Variants in KCNN2 observed in about 807,000 individuals in gnomAD.
KCNN2 encodes the protein potassium calcium-activated channel subfamily N member 2.
A neutral mutation model predicts 55.5 loss-of-function variants in KCNN2; 24 were observed. That is an observed-to-expected ratio of 0.43 (90% CI 0.31 to 0.61). The LOEUF (loss-of-function observed/expected upper bound fraction) is 0.61, where lower values mean the gene tolerates loss of function less well. Ranked by LOEUF, KCNN2 falls within the 20% of genes least tolerant of loss-of-function variation. The pLI is 0.08. For missense variants in KCNN2, 754 were observed against 853.6 expected, an observed-to-expected ratio of 0.88 and a Z score of 1.45; for synonymous variants, 431 against 336.1, an observed-to-expected ratio of 1.28 and a Z score of -3.09.
At chr5:114,073,107 A>G (rs1456792327) in intron 1 of KCNN2, among the ~76,000 whole-genome samples, 2 of 152,102 alleles carry the variant, frequency 1.3e-5, no homozygotes, top group African/African-American at 4.8e-5. Context: ...GATTGTTGTA[A>G]TAACTTCTCT....
intron 1 of KCNN2, among the ~76,000 whole-genome samples, chr5:114,177,166 C>CT (rs1173125767): frequency 1.4e-5 from 2 of 141,992 alleles, no homozygotes; most frequent in Non-Finnish European, 3.0e-5. Context: ...GAAACGGAGT[C>CT]TCGCTCTGTC....
At chr5:114,331,202 G>A (rs1264363774) in intron 2 of KCNN2, among the ~76,000 whole-genome samples, 1 of 152,110 alleles carries the variant, frequency 6.6e-6, no homozygotes, top group Non-Finnish European at 1.5e-5. Context: ...AGGGTTGGGA[G>A]GAAGAAAATG....
At chr5:114,187,534 C>G (rs182841753) in intron 1 of KCNN2, among the ~76,000 whole-genome samples, 6 of 119,946 alleles carry the variant, frequency 5.0e-5, no homozygotes, top group African/African-American at 1.9e-4. Flanking sequence ...GAGCGGAAGT[C>G]TTACTCTGTC....
At chr5:114,141,327 T>G (rs1174770423) in intron 1 of KCNN2, among the ~76,000 whole-genome samples, 1 of 152,050 alleles carries the variant, frequency 6.6e-6, no homozygotes, top group Non-Finnish European at 1.5e-5. Flanking sequence ...CCCCTTCCTG[T>G]GTCCATGTGT....
At chr5:114,316,144 G>C (rs1360342068) in intron 2 of KCNN2, among the ~76,000 whole-genome samples, 1 of 152,108 alleles carries the variant, frequency 6.6e-6, no homozygotes, top group Non-Finnish European at 1.5e-5. Context: ...CCATCTATCA[G>C]GAGCCCCTAA....
At position 114,480,885 on chromosome 5, in the gene KCNN2, C is replaced by G. The variant is rs186159935; in HGVS notation, c.1891-6165C>G. On this transcript the variant is annotated intron_variant, in intron 5 of 7. Coordinates refer to ENST00000673685, the MANE Select transcript of KCNN2 (RefSeq NM_021614.4). ...CATACCTCAAAATAATAAGAGCCGT[C>G]TATGACAAATCCACAGCCAGTATCA... Among the ~76,000 whole-genome samples the G allele has an allele frequency of 3.6e-3, 544 of 152,252 alleles. 4 individuals carry two copies. The highest frequency in any genetic ancestry group is 0.013 in the African/African-American group (528 of 41,542).
chr5:114,111,488 A>C (rs1321109934), intron 1 of KCNN2, among the ~76,000 whole-genome samples: 2 of 152,220 alleles, frequency 1.3e-5, no homozygotes, highest in Admixed American at 6.5e-5. Context: ...AATGGGATCT[A>C]ATTAAACTAA....
At position 114,159,746 on chromosome 5, in the gene KCNN2, C is replaced by G. The variant is rs996099923; in HGVS notation, c.-270-61734C>G. On this transcript the variant is annotated intron_variant, in intron 1 of 10. Coordinates refer to the KCNN2 transcript ENST00000512097. ...TTTAGTCTTGGGAGGGTGTATGTGTCGAGGAATTTATCCATTTCTTCTAGA... is the reference window on the plus strand; with the variant it reads ...TTTAGTCTTGGGAGGGTGTATGTGTGGAGGAATTTATCCATTTCTTCTAGA... Among the ~76,000 whole-genome samples, 51 of 152,064 alleles carry G rather than the reference C, an allele frequency of 3.4e-4. 1 individual carries two copies. The highest frequency in any genetic ancestry group is 5.8e-4 in the East Asian group (3 of 5,178).
intron 1 of KCNN2, among the ~76,000 whole-genome samples, chr5:114,143,678 G>T (rs1036167632): frequency 2.0e-5 from 3 of 152,232 alleles, no homozygotes; most frequent in African/African-American, 4.8e-5. Flanking sequence ...GCTTTTTGCA[G>T]TGGGAAGTAC....
intron 1 of KCNN2, among the ~76,000 whole-genome samples, chr5:114,190,585 A>G (rs1753429313): frequency 6.6e-6 from 1 of 152,300 alleles, no homozygotes; most frequent in East Asian, 1.9e-4. Context: ...TAAACAATAT[A>G]TAGTATCTAC....
intron 1 of KCNN2, among the ~76,000 whole-genome samples, chr5:114,070,093 T>G (rs1462744595): frequency 6.6e-6 from 1 of 152,238 alleles, no homozygotes; most frequent in African/African-American, 2.4e-5. Flanking sequence ...GCAATCTGAT[T>G]CAATCTTTTA....
intron 1 of KCNN2, among the ~76,000 whole-genome samples, chr5:114,139,672 A>G (rs1020795408): frequency 6.6e-6 from 1 of 151,398 alleles, no homozygotes; most frequent in South Asian, 2.1e-4. Context: ...AACTTCCCCT[A>G]TGCTTGTAAG....
intron 1 of KCNN2, among the ~76,000 whole-genome samples, chr5:114,122,251 T>C (rs1322833931): frequency 6.6e-6 from 1 of 152,122 alleles, no homozygotes; most frequent in Non-Finnish European, 1.5e-5. Flanking sequence ...AGCCATGGCA[T>C]TGTGAGTAAT....
intron 3 of KCNN2, among the ~76,000 whole-genome samples, chr5:114,414,074 C>G (rs1049040418): frequency 6.6e-6 from 1 of 152,134 alleles, no homozygotes; most frequent in African/African-American, 2.4e-5. Flanking sequence ...GGAGAAAATG[C>G]AAGTGCTTCC....
At chr5:114,487,559 G>C (rs367804373) in intron 6 of KCNN2, among the ~76,000 whole-genome samples, 1 of 152,046 alleles carries the variant, frequency 6.6e-6, no homozygotes, top group African/African-American at 2.4e-5. Flanking sequence ...AACTGATTTA[G>C]TACTTGAATT....
At chr5:114,201,072 G>A (rs1431077435) in intron 1 of KCNN2, among the ~76,000 whole-genome samples, 1 of 152,040 alleles carries the variant, frequency 6.6e-6, no homozygotes, top group African/African-American at 2.4e-5. Context: ...CTCCTGGACA[G>A]CTGATGTGGT....
At chr5:114,330,869 T>G (rs1756806386) in intron 2 of KCNN2, among the ~76,000 whole-genome samples, 1 of 152,216 alleles carries the variant, frequency 6.6e-6, no homozygotes, top group Non-Finnish European at 1.5e-5. Context: ...GACCTTGACT[T>G]ACTCAATTCT....
intron 1 of KCNN2, among the ~76,000 whole-genome samples, chr5:114,057,605 T>A (rs923140457): frequency 6.6e-6 from 1 of 152,192 alleles, no homozygotes; most frequent in Non-Finnish European, 1.5e-5. Flanking sequence ...GGAGACAGAC[T>A]ATGTATCAAT....
At chr5:114,244,410 A>G (rs1029917788) in intron 2 of KCNN2, among the ~76,000 whole-genome samples, 9 of 152,084 alleles carry the variant, frequency 5.9e-5, no homozygotes, top group African/African-American at 2.2e-4. Context: ...AACCTGGCCA[A>G]TATAGTGAAA....
Sources: allele counts gnomAD v4.1 joint callset (sites outside exome capture counted in the v4.1 genomes callset), GRCh38; gene constraint gnomAD v4.1.1; transcripts MANE v1.5; gene names NCBI Gene and HGNC (gene_info 2026-07-23, HGNC 2026-07-21).